CAMK1G: variants seen among roughly 807,000 people sequenced by gnomAD.
CAMK1G encodes the protein calcium/calmodulin dependent protein kinase IG.
Under a neutral mutation model 54.8 loss-of-function variants are expected in CAMK1G, and 27 were observed. The ratio of observed to expected loss-of-function variants is 0.49; its 90% CI spans 0.36 to 0.68. The LOEUF is 0.68. Among genes scored for constraint, CAMK1G ranks in the 30% least tolerant of loss-of-function variants. The pLI, the probability that CAMK1G is intolerant of heterozygous loss-of-function variation, is 0.00. For missense variants in CAMK1G, 512 were observed against 591.0 expected (o/e 0.87, Z 1.39); for synonymous variants, 238 against 224.9 (o/e 1.06, Z -0.52).
At chr1:209,611,628 G>T in intron 10 of CAMK1G, 76 bp downstream of exon 10, 1 of 1,493,932 alleles carries the variant, frequency 6.7e-7, no homozygotes. Context: ...CTGACATAAG[G>T]GCTTTCCTTG....
At chr1:209,612,580 T>A (rs1665809888) in intron 11 of CAMK1G, among the ~76,000 whole-genome samples, 1 of 152,146 alleles carries the variant, frequency 6.6e-6, no homozygotes, top group Admixed American at 6.5e-5. Context: ...ATTCCCCGAG[T>A]TTCCAGGGCC....
At chr1:209,590,473 C>T (rs927641179) in intron 1 of CAMK1G, among the ~76,000 whole-genome samples, 2 of 152,024 alleles carry the variant, frequency 1.3e-5, no homozygotes, top group Non-Finnish European at 2.9e-5. Flanking sequence ...GAGGAGTGGG[C>T]GGGAAAGATG....
rs1665352602 is a variant in CAMK1G at position 209,595,325 on chromosome 1, G to A, written c.92+250G>A. On this transcript the variant is annotated intron_variant, in intron 2 of 12. Coordinates refer to ENST00000361322, the MANE Select transcript of CAMK1G (RefSeq NM_020439.3). ...TAGTCCAAGCTACACGGGAGGCTGA[G>A]GCAGGAGAATTGCTTGAACCCAGGA... Among the ~76,000 whole-genome samples, 3 of 152,174 alleles carry A rather than the reference G, an allele frequency of 2.0e-5. No individual in the cohort carries two copies. In the South Asian group the frequency reaches 6.2e-4, roughly 32 times the overall value.
chr1:209,607,893 G>T lies in CAMK1G; in HGVS notation c.595G>T (p.Ala199Ser), dbSNP rs1398132058. 8 of 1,613,582 alleles carry T rather than the reference G, an allele frequency of 5.0e-6. No individual in the cohort carries two copies. Among genetic ancestry groups the T allele is most frequent in the Non-Finnish European group, 5.9e-6 (7 of 1,179,824 alleles). The change falls in exon 7 of 13, where the codon GCT (alanine) becomes TCT (serine). Residue 199 changes from alanine (A) to serine (S), a missense_variant. Ala to Ser is a moderately conservative substitution (Grantham distance 99). Transcript: ENST00000361322. ...GCTGGCCCAGAAACCCTACAGCAAG[G>T]CTGTGGATTGCTGGTCCATCGGCGT... Reference protein sequence around the residue: ...EVLAQKPYSKAVDCWSIGVIT... With the variant: ...EVLAQKPYSKSVDCWSIGVIT...
In CAMK1G at chr1:209,584,140, G is replaced by T. The variant is rs1443627238; in HGVS notation, c.-30+368G>T. 7.2e-5 allele frequency among the ~76,000 whole-genome samples: 11 copies of T among 152,248 alleles called. No individual in the cohort carries two copies. The East Asian group carries it at 2.1e-3, about 29-fold the overall frequency. Reference sequence around the variant, plus strand: ...AGAGGGACCCCGTCCATCTGCTGGGGTGTTAGGACCTCCAACTCTCTTGCA... The same window carrying T: ...AGAGGGACCCCGTCCATCTGCTGGGTTGTTAGGACCTCCAACTCTCTTGCA... On this transcript the variant is annotated intron_variant, in intron 1 of 12. Coordinates refer to ENST00000361322, the MANE Select transcript of CAMK1G (RefSeq NM_020439.3).
At chr1:209,590,118 G>A (rs952842300) in intron 1 of CAMK1G, among the ~76,000 whole-genome samples, 1 of 152,176 alleles carries the variant, frequency 6.6e-6, no homozygotes, top group African/African-American at 2.4e-5. Context: ...AGTGAGAGGC[G>A]GGGAGTACTT....
intron 9 of CAMK1G, 148 bp downstream of exon 9, chr1:209,610,077 C>T: frequency 1.4e-6 from 1 of 706,582 alleles, no homozygotes. Flanking sequence ...GTTCATCAGG[C>T]CCAGGTAGAG....
chr1:209,608,369 G>A (rs531100875), intron 7 of CAMK1G, among the ~76,000 whole-genome samples: 65 of 152,172 alleles, frequency 4.3e-4, no homozygotes, highest in African/African-American at 1.5e-3. Flanking sequence ...AGCTGGTCAG[G>A]GCCTTTCCTT....
intron 1 of CAMK1G, among the ~76,000 whole-genome samples, chr1:209,593,940 C>A (rs1040232972): frequency 4.6e-5 from 7 of 152,170 alleles, no homozygotes; most frequent in Non-Finnish European, 8.8e-5. Context: ...CCACTCACCA[C>A]CCCCCACCAT....
intron 2 of CAMK1G, among the ~76,000 whole-genome samples, chr1:209,598,091 A>C (rs1051480328): frequency 1.3e-5 from 2 of 152,220 alleles, no homozygotes; most frequent in Non-Finnish European, 2.9e-5. Flanking sequence ...TCTAACGTGA[A>C]CAATCAGGCT....
intron 5 of CAMK1G, 60 bp from the exon 6 acceptor site, chr1:209,606,260 G>A: frequency 6.3e-7 from 1 of 1,586,498 alleles, no homozygotes; most frequent in Non-Finnish European, 8.6e-7. Context: ...TGTATCAAGG[G>A]GAAGGAAAAT....
intron 8 of CAMK1G, 80 bp downstream of exon 8, chr1:209,609,172 C>A: frequency 6.4e-7 from 1 of 1,552,134 alleles, no homozygotes; most frequent in Non-Finnish European, 8.9e-7. Flanking sequence ...CAAAGGATGA[C>A]AGTCCCGGCT....
chr1:209,597,386 C>T (rs1007947563), intron 2 of CAMK1G, among the ~76,000 whole-genome samples: 2 of 152,206 alleles, frequency 1.3e-5, no homozygotes, highest in Non-Finnish European at 2.9e-5. Flanking sequence ...CTGTCTTTCA[C>T]ATTGAATTCC....
Position 209,599,943 on chromosome 1 carries a change from G to T in CAMK1G, c.93-40G>T, listed in dbSNP as rs772435590. Reference sequence around the variant, plus strand: ...TTACATCTGGAAGTGTAAGATGTCTGCCCCCTACTAAGTTTTATCTTTTGG... The same window carrying T: ...TTACATCTGGAAGTGTAAGATGTCTTCCCCCTACTAAGTTTTATCTTTTGG... On this transcript the variant is annotated intron_variant, in intron 2 of 12. Coordinates refer to ENST00000361322, the MANE Select transcript of CAMK1G (RefSeq NM_020439.3). The T allele has an allele frequency of 2.5e-6, 4 of 1,608,188 alleles. No homozygotes were observed. The Admixed American group carries it at 6.7e-5, about 27-fold the overall frequency.
intron 2 of CAMK1G, among the ~76,000 whole-genome samples, chr1:209,596,650 TCACACACACACCACA>T (rs1665390431): frequency 7.1e-6 from 1 of 140,098 alleles, no homozygotes; most frequent in East Asian, 2.1e-4. Context: ...GTATTTTACA[TCACACACACACCACA>T]CACACACACA....
intron 1 of CAMK1G, among the ~76,000 whole-genome samples, chr1:209,593,241 A>T (rs116008639): frequency 0.011 from 1,742 of 152,366 alleles, 17 homozygotes; most frequent in Non-Finnish European, 0.018. Context: ...ATTGTAGAGG[A>T]ACAAACTTTC....
At chr1:209,609,797 C>T in intron 8 of CAMK1G, 54 bp from the exon 9 acceptor site, 1 of 1,567,748 alleles carries the variant, frequency 6.4e-7, no homozygotes. Context: ...AGTGAATTTC[C>T]ATCAGTCATG....
intron 6 of CAMK1G, among the ~76,000 whole-genome samples, chr1:209,606,991 C>A (rs1159296957): frequency 6.6e-6 from 1 of 152,142 alleles, no homozygotes; most frequent in African/African-American, 2.4e-5. Flanking sequence ...CCAGGGCCCC[C>A]AAAAAGAGTG....
chr1:209,588,364 T>C (rs757411780), intron 1 of CAMK1G, among the ~76,000 whole-genome samples: 1 of 17,704 alleles, frequency 5.6e-5, no homozygotes, highest in Non-Finnish European at 2.1e-4. Context: ...ATGGATTGGA[T>C]TGGATTGGAT....
Sources: gnomAD v4.1 joint callset for allele counts (sites outside exome capture counted in the v4.1 genomes callset) on GRCh38, gnomAD v4.1.1 for gene constraint, MANE v1.5 for transcripts, NCBI Gene and HGNC (gene_info 2026-07-23, HGNC 2026-07-21) for gene names.